Variants in ZNF131 observed in about 807,000 individuals in gnomAD.
ZNF131 encodes zinc finger and BTB domain containing 35.
Under a neutral mutation model 60.0 loss-of-function variants are expected in ZNF131, and 7 were observed. The ratio of observed to expected loss-of-function variants is 0.12; its 90% CI spans 0.07 to 0.22. The LOEUF (loss-of-function observed/expected upper bound fraction) is 0.22, where lower values mean the gene tolerates loss of function less well. Ranked by LOEUF, ZNF131 falls within the 10% of genes least tolerant of loss-of-function variation. The pLI is 1.00. For synonymous variants in ZNF131, 257 were observed against 253.2 expected, an observed-to-expected ratio of 1.01 and a Z score of -0.14; for missense variants, 493 against 740.9, an observed-to-expected ratio of 0.67 and a Z score of 3.88.
At chr5:43,166,258 C>T (rs1750331512) in intron 5 of ZNF131, among the ~76,000 whole-genome samples, 1 of 152,176 alleles carries the variant, frequency 6.6e-6, no homozygotes, top group Non-Finnish European at 1.5e-5. Flanking sequence ...ACTTAACTAC[C>T]TGGCATAGGA....
intron 4 of ZNF131, among the ~76,000 whole-genome samples, chr5:43,142,393 C>A (rs1329566394): frequency 7.1e-6 from 1 of 141,062 alleles, no homozygotes; most frequent in Non-Finnish European, 1.6e-5. Context: ...ACCACCGCCT[C>A]CCCCGGGTTC....
rs771196458 is a variant in ZNF131, at chr5:43,123,198, A to G, written c.125-11A>G. 1.3e-6 allele frequency: 2 copies of G among 1,561,392 alleles called. No homozygotes were observed. The highest frequency in any genetic ancestry group is 2.4e-5 in the South Asian group (2 of 82,468). ...GTGTATGATTTTCTTTTTTTTTCTTATTTTACCTAGGACACCATTTTAAGG... is the reference window on the plus strand; with the variant it reads ...GTGTATGATTTTCTTTTTTTTTCTTGTTTTACCTAGGACACCATTTTAAGG... On this transcript the variant is annotated splice_polypyrimidine_tract_variant and intron_variant, in intron 2 of 6. Coordinates refer to ENST00000682664, the MANE Select transcript of ZNF131 (RefSeq NM_001330707.2).
At position 43,173,488 on chromosome 5, in the gene ZNF131, T is replaced by G; in HGVS notation, c.1185+40T>G. ...ATACATTCAGTTCTTAACAAAGGAG[T>G]CTTGTGTTTGCAGTCATCAAAAGCA... On this transcript the variant is annotated intron_variant, in intron 6 of 6. Transcript: ENST00000682664. The G allele has an allele frequency of 3.1e-6, 5 of 1,587,992 alleles. 1 individual carries two copies. The South Asian group carries it at 5.7e-5, about 18-fold the overall frequency.
chr5:43,153,984 T>G (rs1748647242), intron 4 of ZNF131, among the ~76,000 whole-genome samples: 1 of 152,232 alleles, frequency 6.6e-6, no homozygotes, highest in Non-Finnish European at 1.5e-5. Context: ...TTTGTGTATG[T>G]GATAAAGCTG....
intron 5 of ZNF131, among the ~76,000 whole-genome samples, chr5:43,164,080 T>C (rs2111996993): frequency 6.6e-6 from 1 of 152,340 alleles, no homozygotes; most frequent in South Asian, 2.1e-4. Flanking sequence ...TTATGAAATC[T>C]TTTGGGAAAA....
intron 4 of ZNF131, among the ~76,000 whole-genome samples, chr5:43,152,603 G>GGTTT (rs1248144561): frequency 1.3e-5 from 2 of 151,930 alleles, no homozygotes; most frequent in Non-Finnish European, 2.9e-5. Context: ...AGACAAAGGT[G>GGTTT]GTTTGTTTTG....
intron 2 of ZNF131, among the ~76,000 whole-genome samples, chr5:43,122,885 T>G (rs10512819): frequency 0.064 from 9,678 of 152,310 alleles, 616 homozygotes; most frequent in African/African-American, 0.17. Context: ...GTCCTTTTAT[T>G]TAGCAGTTTC....
intron 4 of ZNF131, among the ~76,000 whole-genome samples, chr5:43,141,082 G>A (rs900867987): frequency 3.3e-5 from 5 of 151,948 alleles, no homozygotes; most frequent in African/African-American, 4.8e-5. Flanking sequence ...AACTGTACTC[G>A]TCCATAAATA....
At chr5:43,167,809 G>A (rs892542532) in intron 5 of ZNF131, 9 of 325,740 alleles carry the variant, frequency 2.8e-5, no homozygotes, top group Middle Eastern at 1.1e-3. Flanking sequence ...CTGTGGGAAT[G>A]CCTGCCTGGG....
chr5:43,162,287 T>C (rs1312258428), intron 5 of ZNF131, among the ~76,000 whole-genome samples: 3 of 152,218 alleles, frequency 2.0e-5, no homozygotes, highest in Non-Finnish European at 2.9e-5. Context: ...TTACTTACAG[T>C]ACATTTACAA....
At chr5:43,160,812 T>C (rs1749601323) in intron 4 of ZNF131, among the ~76,000 whole-genome samples, 2 of 151,258 alleles carry the variant, frequency 1.3e-5, no homozygotes, top group Admixed American at 1.3e-4. Flanking sequence ...GCCTGCCGAG[T>C]AGCTGGGATT....
chr5:43,143,438 A>G, intron 4 of ZNF131: 1 of 1,422,528 alleles, frequency 7.0e-7, no homozygotes, highest in East Asian at 2.6e-5. Flanking sequence ...CACTGTTGCA[A>G]GTTTATCATC....
chr5:43,164,126 A>G (rs893708144), intron 5 of ZNF131, among the ~76,000 whole-genome samples: 1 of 152,208 alleles, frequency 6.6e-6, no homozygotes, highest in Non-Finnish European at 1.5e-5. Context: ...TATACAGTCT[A>G]CTTTTGAACA....
chr5:43,165,882 T>C (rs1365666925), intron 5 of ZNF131, among the ~76,000 whole-genome samples: 5 of 152,248 alleles, frequency 3.3e-5, no homozygotes, highest in African/African-American at 9.6e-5. Context: ...TGTTGTTGAG[T>C]GTAGCCACCT....
chr5:43,165,195 C>A (rs1750198411), intron 5 of ZNF131, among the ~76,000 whole-genome samples: 1 of 151,334 alleles, frequency 6.6e-6, no homozygotes, highest in African/African-American at 2.4e-5. Context: ...CCATGCTTGG[C>A]CCTGTATTTC....
intron 4 of ZNF131, among the ~76,000 whole-genome samples, chr5:43,144,983 T>G (rs1747394990): frequency 6.6e-6 from 1 of 151,990 alleles, no homozygotes; most frequent in African/African-American, 2.4e-5. Context: ...ATTCTGTATT[T>G]TTATGTTTTA....
At chr5:43,160,678 CTTTT>C (rs71608692) in intron 4 of ZNF131, among the ~76,000 whole-genome samples, 5 of 93,018 alleles carry the variant, frequency 5.4e-5, no homozygotes, top group Non-Finnish European at 1.1e-4. Context: ...TAGCTTGGAA[CTTTT>C]TTTTTTTTTT....
intron 4 of ZNF131, among the ~76,000 whole-genome samples, chr5:43,149,241 A>G (rs1352620297): frequency 6.6e-6 from 1 of 151,428 alleles, no homozygotes; most frequent in Non-Finnish European, 1.5e-5. Context: ...ATTGCACTCC[A>G]GCCTGGGAGA....
Position 43,158,859 on chromosome 5 carries a change from T to C in ZNF131, c.372-2390T>C, listed in dbSNP as rs534520939. Among the ~76,000 whole-genome samples, 36 of 151,810 alleles carry C rather than the reference T, an allele frequency of 2.4e-4. No individual in the cohort carries two copies. In the Middle Eastern group the frequency reaches 0.01, roughly 43 times the overall value. ...TTTTCCAGAAAGCCTTTTTTTTTTT[T>C]CCCAGCATCTTATTCTCAATGCCAA... On this transcript the variant is annotated intron_variant, in intron 4 of 6. Coordinates refer to ENST00000682664, the MANE Select transcript of ZNF131 (RefSeq NM_001330707.2).
Sources: gnomAD v4.1 joint callset for allele counts (sites outside exome capture counted in the v4.1 genomes callset) on GRCh38, gnomAD v4.1.1 for gene constraint, MANE v1.5 for transcripts, NCBI Gene and HGNC (gene_info 2026-07-23, HGNC 2026-07-21) for gene names.